The following LDB2 variants were observed in gnomAD, a reference collection of about 807,000 sequenced individuals.
LDB2 encodes the protein LIM domain binding 2, also known as LIM domain-binding protein 2.
LDB2 carries 12 observed loss-of-function variants against 44.3 expected under a neutral mutation model. That is an observed-to-expected ratio of 0.27 (90% CI 0.17 to 0.44). LDB2 has a LOEUF of 0.44. Among genes scored for constraint, LDB2 ranks in the 20% least tolerant of loss-of-function variants. The pLI, the probability that LDB2 is intolerant of heterozygous loss-of-function variation, is 1.00. For synonymous variants in LDB2, 164 were observed against 174.8 expected, an observed-to-expected ratio of 0.94 and a Z score of 0.49; for missense variants, 344 against 473.5, an observed-to-expected ratio of 0.73 and a Z score of 2.54.
intron 1 of LDB2, among the ~76,000 whole-genome samples, chr4:16,892,025 C>A (rs1269896012): frequency 6.6e-6 from 1 of 152,116 alleles, no homozygotes; most frequent in South Asian, 2.1e-4. Context: ...TAGTATCATA[C>A]GATGTGATCA....
intron 2 of LDB2, among the ~76,000 whole-genome samples, chr4:16,714,441 GC>G (rs1366037987): frequency 6.6e-6 from 1 of 152,120 alleles, no homozygotes; most frequent in African/African-American, 2.4e-5. Context: ...CACTTGAGGT[GC>G]TTTTGCTGCC....
intron 5 of LDB2, among the ~76,000 whole-genome samples, chr4:16,555,919 C>A (rs1739411359): frequency 6.6e-6 from 1 of 152,186 alleles, no homozygotes; most frequent in Non-Finnish European, 1.5e-5. Flanking sequence ...ATGCTCCAGC[C>A]ATGGCCCTTC....
At chr4:16,769,699 C>T (rs1770218516) in intron 1 of LDB2, among the ~76,000 whole-genome samples, 1 of 151,458 alleles carries the variant, frequency 6.6e-6, no homozygotes, top group Non-Finnish European at 1.5e-5. Context: ...AGCTAAATTG[C>T]ATTTTATTTA....
intron 1 of LDB2, among the ~76,000 whole-genome samples, chr4:16,789,966 T>C (rs1378108378): frequency 6.6e-6 from 1 of 152,104 alleles, no homozygotes; most frequent in African/African-American, 2.4e-5. Context: ...CCCTATGAGA[T>C]GGGTGTGGTT....
At chr4:16,595,630 A>C in intron 3 of LDB2, 73 bp downstream of exon 3, 1 of 1,420,310 alleles carries the variant, frequency 7.0e-7, no homozygotes, top group Non-Finnish European at 9.6e-7. Flanking sequence ...GTTCCATAGG[A>C]AAACCATAAT....
At chr4:16,601,731 A>G (rs1016391611) in intron 2 of LDB2, among the ~76,000 whole-genome samples, 1 of 152,196 alleles carries the variant, frequency 6.6e-6, no homozygotes, top group African/African-American at 2.4e-5. Context: ...TCAAAAATCC[A>G]AATGGAAATT....
intron 2 of LDB2, among the ~76,000 whole-genome samples, chr4:16,735,720 C>T (rs541179222): frequency 1.7e-4 from 26 of 152,202 alleles, no homozygotes; most frequent in African/African-American, 5.8e-4. Context: ...AACCTACGAC[C>T]TCAGTGTAAT....
At chr4:16,633,169 C>G (rs1732504533) in intron 2 of LDB2, among the ~76,000 whole-genome samples, 3 of 152,108 alleles carry the variant, frequency 2.0e-5, no homozygotes, top group East Asian at 1.9e-4. Context: ...CCATCATTCT[C>G]AGCAAACTAT....
intron 2 of LDB2, among the ~76,000 whole-genome samples, chr4:16,647,826 T>C (rs191083630): frequency 2.0e-5 from 3 of 152,364 alleles, no homozygotes; most frequent in Non-Finnish European, 4.4e-5. Context: ...GTTCTCTCTG[T>C]GAGACCTTAC....
intron 2 of LDB2, among the ~76,000 whole-genome samples, chr4:16,645,332 C>T (rs1736420421): frequency 6.6e-6 from 1 of 150,986 alleles, no homozygotes; most frequent in South Asian, 2.1e-4. Flanking sequence ...GTCAGGAGAT[C>T]GAGACCATCC....
At chr4:16,754,105 G>A (rs1381458421) in intron 2 of LDB2, among the ~76,000 whole-genome samples, 1 of 152,174 alleles carries the variant, frequency 6.6e-6, no homozygotes, top group African/African-American at 2.4e-5. Flanking sequence ...GCAAAGCCAT[G>A]CCCACTTACA....
chr4:16,502,552 A>G lies in LDB2; in HGVS notation c.*91T>C. On this transcript the variant is annotated 3_prime_UTR_variant, in exon 8 of 8. Transcript: ENST00000304523. Reference sequence around the variant, plus strand: ...TAGATATTTGCATGGAAAAGTTTTTATCTCTTCTGTTTCCTCTCCTGTAAG... The same window carrying G: ...TAGATATTTGCATGGAAAAGTTTTTGTCTCTTCTGTTTCCTCTCCTGTAAG... 1 of 1,505,954 alleles carries G rather than the reference A, an allele frequency of 6.6e-7. No homozygotes were observed. The highest frequency in any genetic ancestry group is 9.1e-7 in the Non-Finnish European group (1 of 1,101,650). 93.3% of individuals were successfully genotyped at this position (1,505,954 alleles called of 1,614,324 possible).
At chr4:16,509,243 A>G (rs58537556) in intron 6 of LDB2, among the ~76,000 whole-genome samples, 5,852 of 152,296 alleles carry the variant, frequency 0.038, 378 homozygotes, top group African/African-American at 0.13. Context: ...AGTCAGTTCC[A>G]TCAGCTGTGG....
intron 1 of LDB2, among the ~76,000 whole-genome samples, chr4:16,798,003 C>G (rs898335546): frequency 6.7e-6 from 1 of 149,520 alleles, no homozygotes; most frequent in Non-Finnish European, 1.5e-5. Context: ...CCACTGCACT[C>G]CAGCCTGGGC....
intron 1 of LDB2, among the ~76,000 whole-genome samples, chr4:16,848,682 C>A (rs544101719): frequency 2.4e-4 from 36 of 152,240 alleles, no homozygotes; most frequent in African/African-American, 8.2e-4. Context: ...ATCTAGGTAA[C>A]CCCCATCTCA....
chr4:16,712,778 G>T (rs1008779177), intron 2 of LDB2, among the ~76,000 whole-genome samples: 6 of 152,126 alleles, frequency 3.9e-5, no homozygotes, highest in Admixed American at 6.6e-5. Context: ...TGGTGCAGCT[G>T]CTTTGGAAAA....
At chr4:16,627,981 G>C (rs897493478) in intron 2 of LDB2, among the ~76,000 whole-genome samples, 1 of 152,104 alleles carries the variant, frequency 6.6e-6, no homozygotes, top group African/African-American at 2.4e-5. Flanking sequence ...GTCAAATTCT[G>C]CCCCTTTTCA....
At chr4:16,784,416 A>G (rs1458721717) in intron 1 of LDB2, among the ~76,000 whole-genome samples, 2 of 152,198 alleles carry the variant, frequency 1.3e-5, no homozygotes, top group Non-Finnish European at 2.9e-5. Context: ...AAGAATGTGC[A>G]CATTTCCTTA....
At chr4:16,701,186 T>C (rs1029212533) in intron 2 of LDB2, among the ~76,000 whole-genome samples, 5 of 152,210 alleles carry the variant, frequency 3.3e-5, no homozygotes, top group Admixed American at 3.3e-4. Flanking sequence ...TTTTCTCGAT[T>C]GTGATTCTAA....
Sources: allele counts gnomAD v4.1 joint callset (sites outside exome capture counted in the v4.1 genomes callset), GRCh38; gene constraint gnomAD v4.1.1; transcripts MANE v1.5; gene names NCBI Gene and HGNC (gene_info 2026-07-23, HGNC 2026-07-21).